TRAF3: variants seen among roughly 807,000 people sequenced by gnomAD.
The protein encoded by TRAF3 is TNF receptor-associated factor 3.
A neutral mutation model predicts 62.3 loss-of-function variants in TRAF3; 13 were observed. That is an observed-to-expected ratio of 0.21 (90% confidence interval 0.14 to 0.33). TRAF3 has a LOEUF of 0.33. Ranked by LOEUF, TRAF3 falls within the 10% of genes least tolerant of loss-of-function variation. The probability of loss-of-function intolerance (pLI) is 1.00; values close to 1 mark genes in which losing one functional copy is unlikely to be tolerated. For synonymous variants in TRAF3, 269 were observed against 283.4 expected (o/e 0.95, Z 0.51); for missense variants, 440 against 741.8 (o/e 0.59, Z 4.73).
rs1886735843 is a variant in TRAF3, at chr14:102,846,619, A to G, written c.-18+16147A>G. ...GGAGTTCCAGACCAGTCTAGGCAAC[A>G]CAGGGAGATCCAGCTTCTTAAAAAA... is the stretch of plus-strand genomic sequence containing the variant. On this transcript the variant is annotated intron_variant, in intron 2 of 11. Coordinates refer to ENST00000392745, the MANE Select transcript of TRAF3 (RefSeq NM_145725.3). Among the ~76,000 whole-genome samples, 4 of 146,448 alleles carry G rather than the reference A, an allele frequency of 2.7e-5. No homozygotes were observed. The Admixed American group carries it at 2.8e-4, about 10-fold the overall frequency.
chr14:102,796,919 C>T (rs948053710), intron 1 of TRAF3, among the ~76,000 whole-genome samples: 6 of 152,220 alleles, frequency 3.9e-5, no homozygotes, highest in Admixed American at 1.3e-4. Flanking sequence ...AGCCTTTGGG[C>T]TTGCTTCCTT....
chr14:102,900,617 C>T (rs747491754), intron 10 of TRAF3, among the ~76,000 whole-genome samples: 15 of 152,344 alleles, frequency 9.8e-5, no homozygotes, highest in African/African-American at 3.6e-4. Flanking sequence ...TAGAGGAGCA[C>T]GCACTGGGAC....
intron 2 of TRAF3, among the ~76,000 whole-genome samples, chr14:102,834,047 C>G (rs1475975817): frequency 6.6e-6 from 1 of 152,066 alleles, no homozygotes; most frequent in Admixed American, 6.5e-5. Flanking sequence ...TACAGACTCT[C>G]TGCTATTCCT....
At chr14:102,798,866 T>C (rs939022829) in intron 1 of TRAF3, among the ~76,000 whole-genome samples, 1 of 152,216 alleles carries the variant, frequency 6.6e-6, no homozygotes, top group East Asian at 1.9e-4. Context: ...GCATTCTGTG[T>C]TCTCAGGAAA....
In TRAF3 at chr14:102,889,645, G is replaced by A. The variant is rs1302799078; in HGVS notation, c.726+11G>A. On this transcript the variant is annotated intron_variant, in intron 8 of 11. Coordinates refer to ENST00000392745, the MANE Select transcript of TRAF3 (RefSeq NM_145725.3). ...GGCTGCGTTTTTCAGGTCAGTATCC[G>A]ACATTTGTCCTTCCCAGTCACTGAC... is the stretch of plus-strand genomic sequence containing the variant. 2.5e-6 allele frequency: 4 copies of A among 1,613,870 alleles called. No homozygotes were observed. The highest frequency in any genetic ancestry group is 1.3e-5 in the African/African-American group (1 of 74,906).
intron 6 of TRAF3, among the ~76,000 whole-genome samples, chr14:102,880,998 C>CAGGAGAATCGCTTGA (rs1337997183): frequency 6.6e-6 from 1 of 152,076 alleles, no homozygotes; most frequent in Non-Finnish European, 1.5e-5. Flanking sequence ...GAGGCTGAGG[C>CAGGAGAATCGCTTGA]AGGAGAATCG....
Position 102,871,899 on chromosome 14 carries a change from A to G in TRAF3, c.246-18A>G, listed in dbSNP as rs754517985. On this transcript the variant is annotated intron_variant, in intron 3 of 11. Coordinates refer to ENST00000392745, the MANE Select transcript of TRAF3 (RefSeq NM_145725.3). ...AAGGGACTTCCACTCTAATGCAGTC[A>G]CTTGTGTTTCCCTGCAGCTCTTCAA... is the stretch of plus-strand genomic sequence containing the variant. The G allele has an allele frequency of 3.7e-5, 59 of 1,613,314 alleles. No homozygotes were observed. The highest frequency in any genetic ancestry group is 4.8e-5 in the Non-Finnish European group (57 of 1,179,376).
intron 2 of TRAF3, among the ~76,000 whole-genome samples, chr14:102,833,791 G>A (rs777642709): frequency 9.2e-5 from 14 of 152,030 alleles, no homozygotes; most frequent in Non-Finnish European, 2.1e-4. Context: ...TCAGGAATTC[G>A]AGACCAGCCT....
chr14:102,840,305 T>C (rs1210587558), intron 2 of TRAF3, among the ~76,000 whole-genome samples: 1 of 152,166 alleles, frequency 6.6e-6, no homozygotes, highest in Non-Finnish European at 1.5e-5. Flanking sequence ...TCACTACAGC[T>C]ATGGTAATAC....
intron 2 of TRAF3, among the ~76,000 whole-genome samples, chr14:102,854,428 A>G (rs1887238452): frequency 6.6e-6 from 1 of 152,202 alleles, no homozygotes; most frequent in Admixed American, 6.5e-5. Flanking sequence ...ATTTCTCCAT[A>G]TCCTTGCTAA....
intron 2 of TRAF3, among the ~76,000 whole-genome samples, chr14:102,837,573 G>C (rs1460036717): frequency 6.6e-6 from 1 of 152,092 alleles, no homozygotes; most frequent in East Asian, 1.9e-4. Flanking sequence ...ATCAGGTTGT[G>C]AATGTCATAT....
intron 2 of TRAF3, among the ~76,000 whole-genome samples, chr14:102,850,557 G>C (rs1886971475): frequency 6.6e-6 from 1 of 152,004 alleles, no homozygotes; most frequent in Non-Finnish European, 1.5e-5. Context: ...AGTTGGGCAT[G>C]GTGGCACACA....
At chr14:102,870,733 C>G (rs1156655459) in intron 3 of TRAF3, among the ~76,000 whole-genome samples, 3 of 152,176 alleles carry the variant, frequency 2.0e-5, no homozygotes, top group South Asian at 2.1e-4. Flanking sequence ...TATTGAGGAA[C>G]CTCACAGTTC....
At chr14:102,780,320 TAGAA>T (rs1897222509) in intron 1 of TRAF3, among the ~76,000 whole-genome samples, 2 of 150,810 alleles carry the variant, frequency 1.3e-5, no homozygotes, top group Non-Finnish European at 3.0e-5. Flanking sequence ...CAGTTTTAAA[TAGAA>T]AAGAAAAAAA....
At chr14:102,794,496 A>G (rs1897965665) in intron 1 of TRAF3, among the ~76,000 whole-genome samples, 2 of 152,192 alleles carry the variant, frequency 1.3e-5, no homozygotes, top group South Asian at 4.1e-4. Flanking sequence ...AGCTGCCAGT[A>G]TCTTAAGCCT....
chr14:102,854,110 A>G (rs183803758), intron 2 of TRAF3, among the ~76,000 whole-genome samples: 12 of 152,272 alleles, frequency 7.9e-5, no homozygotes, highest in Admixed American at 7.9e-4. Context: ...TGTAGCATAT[A>G]TAGTACCTCA....
At chr14:102,824,682 A>T (rs778839626) in intron 1 of TRAF3, among the ~76,000 whole-genome samples, 4 of 152,246 alleles carry the variant, frequency 2.6e-5, no homozygotes, top group Admixed American at 2.6e-4. Context: ...CATCAAATTC[A>T]TGTAAATGCG....
chr14:102,865,151 TA>T (rs1887908157), intron 2 of TRAF3, among the ~76,000 whole-genome samples: 1 of 152,174 alleles, frequency 6.6e-6, no homozygotes, highest in South Asian at 2.1e-4. Context: ...GAGTCATCAG[TA>T]AACCTGAGAC....
At chr14:102,848,321 T>C (rs1415468924) in intron 2 of TRAF3, among the ~76,000 whole-genome samples, 1 of 152,080 alleles carries the variant, frequency 6.6e-6, no homozygotes. Context: ...CCCAGCTACA[T>C]GGGAGGCTGA....
Sources: gnomAD v4.1 joint callset for allele counts (sites outside exome capture counted in the v4.1 genomes callset) on GRCh38, gnomAD v4.1.1 for gene constraint, MANE v1.5 for transcripts, NCBI Gene and HGNC (gene_info 2026-07-23, HGNC 2026-07-21) for gene names.